The following ADNP2 variants were observed in gnomAD, a reference collection of about 807,000 sequenced individuals.
ADNP2 encodes the protein ADNP homeobox 2, also known as activity-dependent neuroprotector homeobox protein 2.
ADNP2 carries 8 observed loss-of-function variants against 16.4 expected under a neutral mutation model. That is an observed-to-expected ratio of 0.49 (90% confidence interval 0.29 to 0.88). The LOEUF is 0.88. Among genes scored for constraint, ADNP2 ranks in the 40% least tolerant of loss-of-function variants. ADNP2 has a pLI of 0.09. For synonymous variants in ADNP2, 637 were observed against 545.8 expected (o/e 1.17, Z -2.33); for missense variants, 1,397 against 1,395.1 (o/e 1.00, Z -0.02).
At chr18:80,123,042 A>C (rs2052434972) in intron 2 of ADNP2, among the ~76,000 whole-genome samples, 1 of 151,962 alleles carries the variant, frequency 6.6e-6, no homozygotes. Context: ...ATTTTATCAG[A>C]TCCCTTCTTT....
rs547249374 is a variant in ADNP2 at position 80,139,566 on chromosome 18, C to G, written c.*757C>G. 6.7e-6 allele frequency: 1 copy of G among 150,054 alleles called. No homozygotes were observed. The highest frequency in any genetic ancestry group is 2.0e-4 in the East Asian group (1 of 4,998). The allele number at this position is 150,054 out of a possible 1,614,324, so 9.3% of individuals were successfully genotyped here. A position where few individuals can be genotyped will look rare whatever the true frequency, so the allele number is the denominator to read the frequency against. On this transcript the variant is annotated 3_prime_UTR_variant, in exon 4 of 4. Transcript: ENST00000262198. ...AAATATTTTTCAGTGTAGATTTTCC[C>G]TTTTGATATGCTAAGTCATTTCTCC...
chr18:80,110,472 C>CA (rs1334754542), intron 1 of ADNP2, among the ~76,000 whole-genome samples: 4 of 151,784 alleles, frequency 2.6e-5, no homozygotes, highest in Admixed American at 2.6e-4. Context: ...TGCAGATTGG[C>CA]AAGTGGGGCA....
At chr18:80,126,496 AGTT>A in intron 2 of ADNP2, among the ~76,000 whole-genome samples, 1 of 152,232 alleles carries the variant, frequency 6.6e-6, no homozygotes, top group South Asian at 2.1e-4. Context: ...TCTAAAAAAA[AGTT>A]GTCTTTTAGG....
rs1029186523 is a variant in ADNP2, at chr18:80,140,182, C to G, written c.*1373C>G. 6.6e-6 allele frequency: 1 copy of G among 152,290 alleles called. No homozygotes were observed. The highest frequency in any genetic ancestry group is 1.5e-5 in the Non-Finnish European group (1 of 68,002). 9.4% of individuals were successfully genotyped at this position (152,290 alleles called of 1,614,324 possible). The stretch of plus-strand genomic sequence containing the variant: ...TGGATTTTAAAAAATATAATACTTG[C>G]ATGTAATTGCTATAATGTTCATATT... On this transcript the variant is annotated 3_prime_UTR_variant, in exon 4 of 4. Coordinates refer to ENST00000262198, the MANE Select transcript of ADNP2 (RefSeq NM_014913.4).
intron 3 of ADNP2, chr18:80,133,934 G>A (rs2052514830): frequency 6.6e-6 from 1 of 152,306 alleles, no homozygotes; most frequent in South Asian, 2.1e-4. Flanking sequence ...CTGGGTTCGA[G>A]GTGTCTTTCC....
rs528397445 is a variant in ADNP2 at position 80,129,261 on chromosome 18, G to A, written c.109-3842G>A. 1.7e-3 allele frequency among the ~76,000 whole-genome samples: 252 copies of A among 151,624 alleles called. 1 individual carries two copies. Among genetic ancestry groups the A allele is most frequent in the African/African-American group, 5.9e-3 (245 of 41,280 alleles). On this transcript the variant is annotated intron_variant, in intron 2 of 3. Coordinates refer to ENST00000262198, the MANE Select transcript of ADNP2 (RefSeq NM_014913.4). ...TGGGATTACGAGCACCCGCCACCAC[G>A]CCCAGCTAGTTTTTGTATTTTTAGT...
chr18:80,139,169 G>A lies in ADNP2; in HGVS notation c.*360G>A, dbSNP rs1436474988. The A allele has an allele frequency of 5.9e-6, 1 of 170,530 alleles. No homozygotes were observed. Among genetic ancestry groups the A allele is most frequent in the Non-Finnish European group, 1.2e-5 (1 of 80,902 alleles). 10.6% of individuals were successfully genotyped at this position (170,530 alleles called of 1,614,324 possible). On this transcript the variant is annotated 3_prime_UTR_variant, in exon 4 of 4. Coordinates refer to ENST00000262198, the MANE Select transcript of ADNP2 (RefSeq NM_014913.4). ...TTGCTTTTTCATTAAGGACATTTCA[G>A]CCTTTTTCAGAATACTTGATTTAAC...
intron 2 of ADNP2, among the ~76,000 whole-genome samples, chr18:80,132,842 C>G (rs774761999): frequency 3.3e-5 from 5 of 152,106 alleles, no homozygotes; most frequent in Non-Finnish European, 7.4e-5. Context: ...GCCTCAGCCT[C>G]CCGAGTAGCT....
At position 80,133,147 on chromosome 18, in the gene ADNP2, A is replaced by G. The variant is rs1270353935; in HGVS notation, c.153A>G (p.Thr51=). The part of the protein sequence containing the change: ...FDPGEKYFHN[T]SWGDVSLWEP... ...CAGGAGAGAAATACTTTCATAACAC[A>G]TCATGGGGTGATGTTTCTCTCTGGG... The change falls in exon 3 of 4, where the codon ACA becomes ACG. Residue 51 remains threonine (T), a synonymous_variant. Transcript: ENST00000262198. 6.2e-7 allele frequency: 1 copy of G among 1,613,798 alleles called. No homozygotes were observed. Among genetic ancestry groups the G allele is most frequent in the South Asian group, 1.1e-5 (1 of 91,062 alleles).
At chr18:80,133,245 T>A in intron 3 of ADNP2, 53 bp downstream of exon 3, 1 of 1,416,490 alleles carries the variant, frequency 7.1e-7, no homozygotes, top group Non-Finnish European at 1.0e-6. Context: ...GAGCAGTGAC[T>A]GTAAATGTGG....
In ADNP2 at chr18:80,128,917, A is replaced by G. The variant is rs536836803; in HGVS notation, c.109-4186A>G. Among the ~76,000 whole-genome samples, 44 of 152,254 alleles carry G rather than the reference A, an allele frequency of 2.9e-4. 1 individual carries two copies. The highest frequency in any genetic ancestry group is 2.6e-3 in the Admixed American group (40 of 15,300). On this transcript the variant is annotated intron_variant, in intron 2 of 3. Coordinates refer to ENST00000262198, the MANE Select transcript of ADNP2 (RefSeq NM_014913.4). ...TTTCTGTCATTCAGAAGTTGCCACC[A>G]TTAACATCGTATTGTTAGCTGTTTC... is the stretch of plus-strand genomic sequence containing the variant.
In ADNP2 at chr18:80,135,807, C is replaced by G; in HGVS notation, c.394C>G (p.Arg132Gly). ...RHFRMFHAPV[R>G]KVQNYTVNIL... is the part of the protein sequence containing the mutation. ...CTTCAGAATGTTCCATGCACCTGTC[C>G]GGAAAGTCCAGAACTACACAGTGAA... Residue 132 changes from arginine (R) to glycine (G), a missense_variant, in exon 4 of 4, where the codon CGG becomes GGG. Arg to Gly is a moderately radical substitution (Grantham distance 125). Coordinates refer to ENST00000262198, the MANE Select transcript of ADNP2 (RefSeq NM_014913.4). The G allele has an allele frequency of 6.2e-7, 1 of 1,614,094 alleles. No homozygotes were observed. The highest frequency in any genetic ancestry group is 8.5e-7 in the Non-Finnish European group (1 of 1,180,032).
intron 1 of ADNP2, chr18:80,110,151 T>C (rs942284268): frequency 6.6e-6 from 1 of 152,248 alleles, no homozygotes; most frequent in Non-Finnish European, 1.5e-5. Context: ...ATAATTGATA[T>C]ACAGATGTTG....
At chr18:80,112,376 T>C (rs1568406931) in intron 1 of ADNP2, among the ~76,000 whole-genome samples, 1 of 152,030 alleles carries the variant, frequency 6.6e-6, no homozygotes, top group Non-Finnish European at 1.5e-5. Context: ...GTAATTTACT[T>C]GCATTTTATT....
chr18:80,117,707 T>C, intron 2 of ADNP2, 57 bp downstream of exon 2: 1 of 1,350,306 alleles, frequency 7.4e-7, no homozygotes, highest in Non-Finnish European at 1.0e-6. Flanking sequence ...ACTCGGGTTT[T>C]TGAAGAGTGG....
intron 2 of ADNP2, among the ~76,000 whole-genome samples, chr18:80,128,661 T>G (rs1463636274): frequency 4.6e-5 from 7 of 152,038 alleles, no homozygotes; most frequent in Admixed American, 2.6e-4. Flanking sequence ...AAAAAAGAAA[T>G]AAATAAATAA....
intron 2 of ADNP2, among the ~76,000 whole-genome samples, chr18:80,127,879 C>G (rs1226233788): frequency 6.6e-6 from 1 of 152,214 alleles, no homozygotes; most frequent in Non-Finnish European, 1.5e-5. Flanking sequence ...TTTACCTTCT[C>G]CTTTCACTAG....
Position 80,140,279 on chromosome 18 carries a change from A to AT in ADNP2, c.*1482dup, listed in dbSNP as rs36034769. On this transcript the variant is annotated 3_prime_UTR_variant, in exon 4 of 4. Transcript: ENST00000262198. ...TAAATTCAAAGAGAGCTTGTTGAACATTTTTTTTTTTTACCTATTGTTTTC... is the reference window on the plus strand; with the variant it reads ...TAAATTCAAAGAGAGCTTGTTGAACATTTTTTTTTTTTTACCTATTGTTTTC... The AT allele has an allele frequency of 1.8e-3, 259 of 147,034 alleles. No homozygotes were observed. Among genetic ancestry groups the AT allele is most frequent in the African/African-American group, 3.6e-3 (146 of 40,092 alleles). 9.1% of individuals were successfully genotyped at this position (147,034 alleles called of 1,614,324 possible).
At position 80,138,122 on chromosome 18, in the gene ADNP2, A is replaced by G. The variant is rs544134728; in HGVS notation, c.2709A>G (p.Thr903=). The G allele has an allele frequency of 4.3e-6, 7 of 1,614,062 alleles. No individual in the cohort carries two copies. Among genetic ancestry groups the G allele is most frequent in the East Asian group, 4.5e-5 (2 of 44,886 alleles). ...AGGAGAGGCACCACATCATGCCCAC[A>G]GTCCACACGGTCCTGAAGTCTCCCG... The part of the protein sequence containing the change: ...HLKERHHIMP[T]VHTVLKSPAF... Residue 903 remains threonine (T), a synonymous_variant, in exon 4 of 4, where the codon ACA becomes ACG. Coordinates refer to ENST00000262198, the MANE Select transcript of ADNP2 (RefSeq NM_014913.4).
Sources: allele counts gnomAD v4.1 joint callset (sites outside exome capture counted in the v4.1 genomes callset), GRCh38; gene constraint gnomAD v4.1.1; transcripts MANE v1.5; gene names NCBI Gene and HGNC (gene_info 2026-07-23, HGNC 2026-07-21).